SEMA3E: variants seen among roughly 807,000 people sequenced by gnomAD.
The protein encoded by SEMA3E is semaphorin-3E.
A neutral mutation model predicts 93.6 loss-of-function variants in SEMA3E; 49 were observed. The observed-to-expected ratio is 0.52, with a 90% CI of 0.42 to 0.66. The LOEUF (loss-of-function observed/expected upper bound fraction) is 0.66, where lower values mean the gene tolerates loss of function less well. Among genes scored for constraint, SEMA3E ranks in the 30% least tolerant of loss-of-function variants. The probability of loss-of-function intolerance (pLI) is 0.00; values close to 1 mark genes in which losing one functional copy is unlikely to be tolerated. For missense variants in SEMA3E, 906 were observed against 964.8 expected (o/e 0.94, Z 0.81); for synonymous variants, 363 against 330.7 (o/e 1.10, Z -1.06).
At chr7:83,551,926 C>T (rs905772557) in intron 1 of SEMA3E, among the ~76,000 whole-genome samples, 5 of 150,250 alleles carry the variant, frequency 3.3e-5, no homozygotes, top group Non-Finnish European at 7.4e-5. Context: ...CTCAGTGTTG[C>T]CACTATTAGA....
In SEMA3E at chr7:83,648,903, G is replaced by GAA. The variant is rs149993646; in HGVS notation, c.-363_-362dup. 177 of 171,810 alleles carry GAA rather than the reference G, an allele frequency of 1.0e-3. No homozygotes were observed. The highest frequency in any genetic ancestry group is 4.3e-3 in the South Asian group (41 of 9,514). The allele number at this position is 171,810 out of a possible 1,614,324, so 10.6% of individuals were successfully genotyped here. ...TTCAGAAAAAAAAAAAAAAAAGAGA[G>GAA]AAAAAAACAAAACCGAGCACACGCA... On this transcript the variant is annotated 5_prime_UTR_variant, in exon 1 of 17. Coordinates refer to ENST00000643230, the MANE Select transcript of SEMA3E (RefSeq NM_012431.3).
intron 1 of SEMA3E, among the ~76,000 whole-genome samples, chr7:83,540,851 T>G (rs560437427): frequency 6.6e-6 from 1 of 152,324 alleles, no homozygotes; most frequent in African/African-American, 2.4e-5. Flanking sequence ...GAAATTAGTT[T>G]TATCTGTGAG....
chr7:83,626,896 G>A (rs2115655155), intron 1 of SEMA3E, among the ~76,000 whole-genome samples: 1 of 152,200 alleles, frequency 6.6e-6, no homozygotes, highest in East Asian at 1.9e-4. Context: ...AAAGATTCTG[G>A]TAAGTTTTGT....
intron 16 of SEMA3E, among the ~76,000 whole-genome samples, chr7:83,370,513 C>T (rs1794735940): frequency 6.6e-6 from 1 of 152,100 alleles, no homozygotes; most frequent in South Asian, 2.1e-4. Context: ...ATAACTGTCT[C>T]TTTGACCTTA....
chr7:83,500,207 G>T (rs1199786847), intron 1 of SEMA3E, among the ~76,000 whole-genome samples: 2 of 152,190 alleles, frequency 1.3e-5, no homozygotes. Context: ...GGAGGCCAAG[G>T]CGGGTGGATC....
intron 1 of SEMA3E, among the ~76,000 whole-genome samples, chr7:83,622,677 G>T (rs1793588491): frequency 6.6e-6 from 1 of 152,186 alleles, no homozygotes; most frequent in African/African-American, 2.4e-5. Flanking sequence ...CATGTCCTTT[G>T]CAGGGACATG....
intron 16 of SEMA3E, among the ~76,000 whole-genome samples, chr7:83,382,243 T>C (rs1001545067): frequency 6.6e-5 from 10 of 152,026 alleles, no homozygotes; most frequent in African/African-American, 2.4e-4. Flanking sequence ...AGTTATTAAA[T>C]ATCCTGTGCC....
intron 1 of SEMA3E, among the ~76,000 whole-genome samples, chr7:83,523,852 G>C (rs1791099963): frequency 6.6e-6 from 1 of 151,950 alleles, no homozygotes; most frequent in South Asian, 2.1e-4. Context: ...ATTAGGGCAA[G>C]AACATGTTTT....
chr7:83,551,216 A>T (rs1791757816), intron 1 of SEMA3E, among the ~76,000 whole-genome samples: 1 of 152,120 alleles, frequency 6.6e-6, no homozygotes, highest in Admixed American at 6.6e-5. Context: ...TACCAAAAAA[A>T]ATACTGAAAA....
rs148472151 is a variant in SEMA3E at position 83,468,080 on chromosome 7, T to C, written c.336+1163A>G. 3.2e-3 allele frequency among the ~76,000 whole-genome samples: 485 copies of C among 152,324 alleles called. 1 individual carries two copies. The highest frequency in any genetic ancestry group is 5.5e-3 in the Non-Finnish European group (373 of 68,016). On this transcript the variant is annotated intron_variant, in intron 3 of 16. Transcript: ENST00000643230. ...GCAATCATCAGTTACTGTCACGTTT[T>C]ATAAGGACCTGTTGTGATTTCAGCA...
rs1253731371 is a variant in SEMA3E at position 83,648,670 on chromosome 7, G to A, written c.-128C>T. 1 of 742,618 alleles carries A rather than the reference G, an allele frequency of 1.3e-6. No individual in the cohort carries two copies. The highest frequency in any genetic ancestry group is 2.7e-5 in the East Asian group (1 of 37,254). 46.0% of individuals were successfully genotyped at this position (742,618 alleles called of 1,614,324 possible). ...AAATCGAACGCGTTGTCATCAGAAA[G>A]CACAGTTCCGAAGTGCCATTTGTCA... On this transcript the variant is annotated 5_prime_UTR_variant, in exon 1 of 17. Transcript: ENST00000643230.
At chr7:83,563,193 C>G (rs771683743) in intron 1 of SEMA3E, among the ~76,000 whole-genome samples, 4 of 152,114 alleles carry the variant, frequency 2.6e-5, no homozygotes, top group Non-Finnish European at 5.9e-5. Context: ...CAGCGTTGAT[C>G]AACACAGACA....
chr7:83,435,115 CTAAA>C (rs1002826192), intron 4 of SEMA3E, among the ~76,000 whole-genome samples: 23 of 152,160 alleles, frequency 1.5e-4, no homozygotes, highest in African/African-American at 5.6e-4. Flanking sequence ...ATTTAACAAA[CTAAA>C]TGTTAGACCT....
intron 1 of SEMA3E, among the ~76,000 whole-genome samples, chr7:83,498,226 C>T (rs1195349514): frequency 3.3e-5 from 5 of 151,934 alleles, no homozygotes; most frequent in Non-Finnish European, 7.4e-5. Context: ...GTAATGTTTT[C>T]GGGGATTCAA....
intron 1 of SEMA3E, among the ~76,000 whole-genome samples, chr7:83,633,320 A>G (rs1026990239): frequency 9.9e-5 from 15 of 152,094 alleles, no homozygotes; most frequent in African/African-American, 3.6e-4. Flanking sequence ...AATCCTTACT[A>G]TAACCAATGA....
At chr7:83,550,118 T>G (rs1330369461) in intron 1 of SEMA3E, among the ~76,000 whole-genome samples, 1 of 152,058 alleles carries the variant, frequency 6.6e-6, no homozygotes. Flanking sequence ...GCCAAGAAAA[T>G]CAACTGTCTT....
At chr7:83,574,461 A>G (rs964756111) in intron 1 of SEMA3E, among the ~76,000 whole-genome samples, 2 of 113,462 alleles carry the variant, frequency 1.8e-5, no homozygotes, top group African/African-American at 9.2e-5. Flanking sequence ...TAAAGTTTAA[A>G]AAAAAAAAAA....
chr7:83,538,432 C>A (rs192653024), intron 1 of SEMA3E, among the ~76,000 whole-genome samples: 1 of 152,136 alleles, frequency 6.6e-6, no homozygotes, highest in East Asian at 1.9e-4. Context: ...TTTCTGATGC[C>A]TAGTTATGTT....
chr7:83,404,105 G>C (rs1009836390), intron 9 of SEMA3E, among the ~76,000 whole-genome samples: 5 of 151,882 alleles, frequency 3.3e-5, no homozygotes, highest in African/African-American at 9.7e-5. Flanking sequence ...TGCAACATAT[G>C]AATTATTCAC....
Sources: allele counts gnomAD v4.1 joint callset (sites outside exome capture counted in the v4.1 genomes callset), GRCh38; gene constraint gnomAD v4.1.1; transcripts MANE v1.5; gene names NCBI Gene and HGNC (gene_info 2026-07-23, HGNC 2026-07-21).